POLR3C: variants seen among roughly 807,000 people sequenced by gnomAD.
POLR3C encodes RNA polymerase III subunit C, also known as DNA-directed RNA polymerase III subunit RPC3.
Under a neutral mutation model 65.9 loss-of-function variants are expected in POLR3C, and 44 were observed. The ratio of observed to expected loss-of-function variants is 0.67; its 90% CI spans 0.52 to 0.86. The LOEUF (loss-of-function observed/expected upper bound fraction) is 0.86. Among genes scored for constraint, POLR3C ranks in the 40% least tolerant of loss-of-function variants. The pLI, the probability that POLR3C is intolerant of heterozygous loss-of-function variation, is 0.00. For synonymous variants in POLR3C, 263 were observed against 231.6 expected, an observed-to-expected ratio of 1.14 and a Z score of -1.23; for missense variants, 576 against 653.2, an observed-to-expected ratio of 0.88 and a Z score of 1.29.
Position 145,826,324 on chromosome 1 carries a change from G to C in POLR3C, c.148-130G>C, listed in dbSNP as rs2101629522. On this transcript the variant is annotated intron_variant, in intron 2 of 14. Coordinates refer to ENST00000334163, the MANE Select transcript of POLR3C (RefSeq NM_006468.8). ...TTCTTATTAGCTCCTCCAGTGGAGAGAGGAAATAAGTGCAGAAATTATCTA... is the reference window on the plus strand; with the variant it reads ...TTCTTATTAGCTCCTCCAGTGGAGACAGGAAATAAGTGCAGAAATTATCTA... 3 of 699,380 alleles carry C rather than the reference G, an allele frequency of 4.3e-6. No homozygotes were observed. In the East Asian group the frequency reaches 7.7e-5, roughly 18 times the overall value. 43.3% of individuals were successfully genotyped at this position (699,380 alleles called of 1,614,324 possible).
At chr1:145,835,217 G>C (rs908532066) in intron 7 of POLR3C, among the ~76,000 whole-genome samples, 5 of 150,910 alleles carry the variant, frequency 3.3e-5, no homozygotes, top group Admixed American at 3.3e-4. Context: ...GGGTGGCCGA[G>C]GCAGGCAGAT....
chr1:145,836,415 C>G lies in POLR3C; in HGVS notation c.877-79C>G, dbSNP rs966725265. On this transcript the variant is annotated intron_variant, in intron 7 of 14. Transcript: ENST00000334163. ...GATTACAGGCCTTAGCCACTGTGCC[C>G]GGCCTAAAACATCTTTATTTCAGTA... 4 of 840,254 alleles carry G rather than the reference C, an allele frequency of 4.8e-6. No individual in the cohort carries two copies. In the Middle Eastern group the frequency reaches 6.6e-4, roughly 139 times the overall value. 52.0% of individuals were successfully genotyped at this position (840,254 alleles called of 1,614,324 possible).
chr1:145,837,821 C>G (rs587658008), intron 10 of POLR3C, among the ~76,000 whole-genome samples: 1 of 152,286 alleles, frequency 6.6e-6, no homozygotes, highest in African/African-American at 2.4e-5. Context: ...CCTTTGCTTA[C>G]AAATGTAGGA....
intron 13 of POLR3C, 112 bp downstream of exon 13, chr1:145,840,277 T>C: frequency 1.4e-6 from 1 of 729,584 alleles, no homozygotes; most frequent in East Asian, 2.7e-5. Flanking sequence ...GGGTGGCTCA[T>C]GCCTGTAATC....
chr1:145,841,210 C>T (rs963404721), intron 14 of POLR3C, 139 bp downstream of exon 14: 14 of 709,726 alleles, frequency 2.0e-5, no homozygotes, highest in Non-Finnish European at 3.4e-5. Context: ...ATTTAATCCA[C>T]CTATTTTTGT....
At chr1:145,826,162 AT>A (rs1650723664) in intron 2 of POLR3C, among the ~76,000 whole-genome samples, 2 of 152,210 alleles carry the variant, frequency 1.3e-5, no homozygotes, top group Non-Finnish European at 2.9e-5. Flanking sequence ...GCCGTACCTC[AT>A]TTATTCACAA....
At chr1:145,832,243 A>G (rs193278890) in intron 5 of POLR3C, among the ~76,000 whole-genome samples, 87 of 152,326 alleles carry the variant, frequency 5.7e-4, no homozygotes, top group African/African-American at 2.0e-3. Flanking sequence ...TTTCAGTACA[A>G]TAGTGGAAAT....
chr1:145,837,467 A>G, intron 9 of POLR3C, 69 bp from the exon 10 acceptor site: 1 of 731,448 alleles, frequency 1.4e-6, no homozygotes, highest in Non-Finnish European at 2.3e-6. Context: ...TTAGAAACTT[A>G]GGAATAAAAC....
chr1:145,842,253 AT>A, intron 14 of POLR3C, 85 bp from the exon 15 acceptor site: 1 of 755,832 alleles, frequency 1.3e-6, no homozygotes, highest in Middle Eastern at 2.5e-4. Flanking sequence ...CCAAGCAGTT[AT>A]CCATGGCCAC....
rs1386933377 is a variant in POLR3C, at chr1:145,836,553, C to T, written c.936C>T (p.Leu312=). ...CTAAGCAAGTTCTTGATCAGTATCT[C>T]ACTCTGCTGGCAGATGATCCAGTAA... is the stretch of plus-strand genomic sequence containing the variant. ...NISKQVLDQY[L]TLLADDPLEF... is the part of the protein sequence containing the mutation. Residue 312 remains leucine, a synonymous_variant, in exon 8 of 15, where the codon CTC becomes CTT. Coordinates refer to ENST00000334163, the MANE Select transcript of POLR3C (RefSeq NM_006468.8). 3.7e-6 allele frequency: 6 copies of T among 1,605,500 alleles called. No individual in the cohort carries two copies. The highest frequency in any genetic ancestry group is 5.1e-6 in the Non-Finnish European group (6 of 1,172,344).
chr1:145,842,652 A>G lies in POLR3C; in HGVS notation c.*232A>G, dbSNP rs1652378329. On this transcript the variant is annotated 3_prime_UTR_variant, in exon 15 of 15. Coordinates refer to ENST00000334163, the MANE Select transcript of POLR3C (RefSeq NM_006468.8). ...GGAAGAACCTTAAATCAACAAGGTTAATCATCTATCAGATGCATCTGTTCC... is the reference window on the plus strand; with the variant it reads ...GGAAGAACCTTAAATCAACAAGGTTGATCATCTATCAGATGCATCTGTTCC... 3 of 586,116 alleles carry G rather than the reference A, an allele frequency of 5.1e-6. No homozygotes were observed. In the Admixed American group the frequency reaches 9.1e-5, roughly 18 times the overall value. The allele number at this position is 586,116 out of a possible 1,614,324, so 36.3% of individuals were successfully genotyped here. A position where few individuals can be genotyped will look rare whatever the true frequency, so the allele number is the denominator to read the frequency against.
At chr1:145,833,442 C>G in intron 6 of POLR3C, 48 bp from the exon 7 acceptor site, 1 of 1,542,894 alleles carries the variant, frequency 6.5e-7, no homozygotes, top group Admixed American at 1.7e-5. Context: ...GCACATAGAG[C>G]CAGGGGCAGC....
rs1176855996 is a variant in POLR3C, at chr1:145,843,885, G to T, written c.*1465G>T. On this transcript the variant is annotated 3_prime_UTR_variant, in exon 15 of 15. Coordinates refer to ENST00000334163, the MANE Select transcript of POLR3C (RefSeq NM_006468.8). ...CAAAAGATCTTAATAGGTAGTTTTC[G>T]AAAGAAGATACACAAATGGCCGACA... 6.6e-6 allele frequency among the ~76,000 whole-genome samples: 1 copy of T among 152,076 alleles called. No individual in the cohort carries two copies. Among genetic ancestry groups the T allele is most frequent in the Non-Finnish European group, 1.5e-5 (1 of 67,994 alleles).
At chr1:145,830,608 G>C (rs1262667752) in intron 5 of POLR3C, among the ~76,000 whole-genome samples, 2 of 151,254 alleles carry the variant, frequency 1.3e-5, no homozygotes, top group Non-Finnish European at 2.9e-5. Context: ...AGATGAGCCT[G>C]GTCAACATGG....
intron 11 of POLR3C, chr1:145,839,617 C>T (rs782545114): frequency 2.2e-5 from 7 of 325,582 alleles, no homozygotes; most frequent in African/African-American, 1.3e-4. Flanking sequence ...CCTGTAGTTC[C>T]GGCTACTTGG....
chr1:145,837,895 C>T (rs1651980368), intron 10 of POLR3C, among the ~76,000 whole-genome samples, 161 bp from the exon 11 acceptor site: 1 of 152,148 alleles, frequency 6.6e-6, no homozygotes, highest in Admixed American at 6.5e-5. Context: ...GTTGGTGATG[C>T]CTTACCATCA....
intron 5 of POLR3C, among the ~76,000 whole-genome samples, chr1:145,832,859 T>G (rs1245656085): frequency 6.6e-6 from 1 of 151,904 alleles, no homozygotes; most frequent in Non-Finnish European, 1.5e-5. Flanking sequence ...CCAACTCTAC[T>G]AAAAATACAA....
chr1:145,837,628 CAT>C (rs782287871), intron 10 of POLR3C, 32 bp downstream of exon 10: 3 of 1,356,872 alleles, frequency 2.2e-6, no homozygotes, highest in East Asian at 2.3e-5. Flanking sequence ...TTTGGGATCA[CAT>C]ACTTCCTATC....
intron 5 of POLR3C, among the ~76,000 whole-genome samples, chr1:145,831,366 T>A (rs1651301441): frequency 6.6e-6 from 1 of 151,768 alleles, no homozygotes; most frequent in Non-Finnish European, 1.5e-5. Context: ...AATACAAAAA[T>A]TAGCCATGCA....
Sources: gnomAD v4.1 joint callset for allele counts (sites outside exome capture counted in the v4.1 genomes callset) on GRCh38, gnomAD v4.1.1 for gene constraint, MANE v1.5 for transcripts, NCBI Gene and HGNC (gene_info 2026-07-23, HGNC 2026-07-21) for gene names.